DOCK5: variants seen among roughly 807,000 people sequenced by gnomAD.
DOCK5 encodes dedicator of cytokinesis protein 5.
A neutral mutation model predicts 251.8 loss-of-function variants in DOCK5; 142 were observed. That is an observed-to-expected ratio of 0.56 (90% CI 0.49 to 0.65). The LOEUF (loss-of-function observed/expected upper bound fraction) is 0.65. Among genes scored for constraint, DOCK5 ranks in the 30% least tolerant of loss-of-function variants. The probability of loss-of-function intolerance (pLI) is 0.00; values close to 1 mark genes in which losing one functional copy is unlikely to be tolerated. For missense variants in DOCK5, 2,111 were observed against 2,312.3 expected (o/e 0.91, Z 1.79); for synonymous variants, 842 against 835.5 (o/e 1.01, Z -0.13).
intron 46 of DOCK5, among the ~76,000 whole-genome samples, chr8:25,400,537 G>C (rs183763469): frequency 6.6e-6 from 1 of 151,342 alleles, no homozygotes; most frequent in Admixed American, 6.6e-5. Context: ...TGGTTTCCTG[G>C]CATGTGTTTC....
intron 25 of DOCK5, among the ~76,000 whole-genome samples, chr8:25,342,805 T>C (rs1373056251): frequency 1.4e-5 from 2 of 142,092 alleles, no homozygotes; most frequent in African/African-American, 5.2e-5. Flanking sequence ...TTCAAGCAAT[T>C]CTCCTGCCTC....
chr8:25,318,429 TTTC>T (rs1805321453), intron 14 of DOCK5, among the ~76,000 whole-genome samples: 1 of 151,456 alleles, frequency 6.6e-6, no homozygotes, highest in Non-Finnish European at 1.5e-5. Context: ...TTTCTTTTCT[TTTC>T]TTTTTTTTTC....
At chr8:25,374,491 T>A in intron 36 of DOCK5, 73 bp from the exon 37 acceptor site, 1 of 1,389,426 alleles carries the variant, frequency 7.2e-7, no homozygotes, top group Non-Finnish European at 9.9e-7. Flanking sequence ...AGCAAGACCC[T>A]GTCTCAAAAC....
intron 7 of DOCK5, 75 bp downstream of exon 7, chr8:25,296,723 A>G (rs1804625089): frequency 6.4e-7 from 1 of 1,560,928 alleles, no homozygotes; most frequent in African/African-American, 1.4e-5. Context: ...AAGAAAGGGA[A>G]ATCATTGAGA....
chr8:25,375,631 CTCTGCCTCCAGTTTTGT>C, intron 37 of DOCK5: 1 of 952,162 alleles, frequency 1.1e-6, no homozygotes, highest in South Asian at 4.8e-5. Context: ...TGTTTGGTGT[CTCTGCCTCCAGTTTTGT>C]TCTCAGCTAT....
chr8:25,263,460 C>T (rs1180250047), intron 2 of DOCK5, among the ~76,000 whole-genome samples: 5 of 151,912 alleles, frequency 3.3e-5, no homozygotes, highest in African/African-American at 7.3e-5. Flanking sequence ...AGGGTTCATT[C>T]GAGATTTTTC....
At chr8:25,323,019 C>T (rs1171702135) in intron 16 of DOCK5, among the ~76,000 whole-genome samples, 1 of 152,188 alleles carries the variant, frequency 6.6e-6, no homozygotes, top group East Asian at 1.9e-4. Flanking sequence ...ACTACTCCAC[C>T]ACTGTGGGGA....
At chr8:25,296,455 CT>C in intron 6 of DOCK5, 57 bp from the exon 7 acceptor site, 3 of 1,568,082 alleles carry the variant, frequency 1.9e-6, no homozygotes, top group Non-Finnish European at 2.6e-6. Flanking sequence ...ACAAGGACTC[CT>C]CAGTAAAAAG....
intron 2 of DOCK5, among the ~76,000 whole-genome samples, chr8:25,255,955 A>T (rs1563326767): frequency 6.6e-6 from 1 of 152,242 alleles, no homozygotes; most frequent in Non-Finnish European, 1.5e-5. Context: ...GATTCAACAG[A>T]AATGGTCATA....
chr8:25,275,537 T>C lies in DOCK5; in HGVS notation c.224+96T>C, dbSNP rs371594798. The stretch of plus-strand genomic sequence containing the variant: ...GGCATTAATGCCTTATGTACGTTAA[T>C]AGTTCTCTCATCTCAGGCCAGGCGT... On this transcript the variant is annotated intron_variant, in intron 4 of 51. Coordinates refer to ENST00000276440, the MANE Select transcript of DOCK5 (RefSeq NM_024940.8). 1.9e-3 allele frequency: 2,421 copies of C among 1,254,244 alleles called. 5 individuals carry two copies. Among genetic ancestry groups the C allele is most frequent in the Non-Finnish European group, 2.4e-3 (2,146 of 893,990 alleles). 77.7% of individuals were successfully genotyped at this position (1,254,244 alleles called of 1,614,324 possible). A position where few individuals can be genotyped will look rare whatever the true frequency, so the allele number is the denominator to read the frequency against.
At chr8:25,346,868 C>T (rs1327224805) in intron 26 of DOCK5, among the ~76,000 whole-genome samples, 5 of 151,746 alleles carry the variant, frequency 3.3e-5, no homozygotes, top group African/African-American at 1.2e-4. Context: ...TGTCTGGATT[C>T]ACCATGTCCT....
In DOCK5 at chr8:25,357,147, G is replaced by C. The variant is rs1800590232; in HGVS notation, c.2851-1816G>C. On this transcript the variant is annotated intron_variant, in intron 27 of 51. Transcript: ENST00000276440. ...GTTCATGGACAGACTGTTTAATTTA[G>C]AGAAAAGGAAATGAAAGTGCAAAGT... 3.3e-5 allele frequency among the ~76,000 whole-genome samples: 5 copies of C among 151,536 alleles called. No homozygotes were observed. In the East Asian group the frequency reaches 5.8e-4, roughly 18 times the overall value.
chr8:25,383,108 G>C (rs1801100500), intron 40 of DOCK5, among the ~76,000 whole-genome samples: 1 of 152,166 alleles, frequency 6.6e-6, no homozygotes, highest in Non-Finnish European at 1.5e-5. Flanking sequence ...TTTCTAGCCA[G>C]AGCTAATTTG....
At chr8:25,345,397 G>A (rs1800342791) in intron 25 of DOCK5, 78 bp from the exon 26 acceptor site, 1 of 1,576,150 alleles carries the variant, frequency 6.3e-7, no homozygotes, top group Non-Finnish European at 8.6e-7. Context: ...TACTGGTCGA[G>A]GAAGAGTTGC....
chr8:25,375,065 C>T (rs934559695), intron 37 of DOCK5: 2 of 875,910 alleles, frequency 2.3e-6, no homozygotes, highest in East Asian at 1.7e-4. Context: ...GATATAAATA[C>T]ATCTATATGT....
intron 1 of DOCK5, among the ~76,000 whole-genome samples, chr8:25,229,405 C>T (rs548564836): frequency 4.6e-5 from 7 of 151,952 alleles, no homozygotes; most frequent in South Asian, 2.1e-4. Flanking sequence ...CTCTTGAACC[C>T]GGGAGGCAGA....
intron 1 of DOCK5, among the ~76,000 whole-genome samples, chr8:25,187,157 C>T (rs911816121): frequency 1.3e-5 from 2 of 150,648 alleles, no homozygotes; most frequent in Non-Finnish European, 3.0e-5. Context: ...GCCCCCATCA[C>T]GACACTGCAC....
At chr8:25,325,789 A>G (rs1287915509) in intron 18 of DOCK5, among the ~76,000 whole-genome samples, 4 of 152,216 alleles carry the variant, frequency 2.6e-5, no homozygotes, top group African/African-American at 7.2e-5. Context: ...AGTATTTAAT[A>G]TCTTAAAACC....
intron 37 of DOCK5, chr8:25,374,916 A>T: frequency 1.6e-6 from 2 of 1,289,358 alleles, no homozygotes; most frequent in Non-Finnish European, 9.9e-7. Flanking sequence ...AATTAAAGCA[A>T]TAAAACACAC....
Sources: allele counts gnomAD v4.1 joint callset (sites outside exome capture counted in the v4.1 genomes callset), GRCh38; gene constraint gnomAD v4.1.1; transcripts MANE v1.5; gene names NCBI Gene and HGNC (gene_info 2026-07-23, HGNC 2026-07-21).